SGSM1: variants seen among roughly 807,000 people sequenced by gnomAD.
SGSM1 encodes the protein small G protein signaling modulator 1.
SGSM1 carries 73 observed loss-of-function variants against 133.8 expected under a neutral mutation model. The ratio of observed to expected loss-of-function variants is 0.55; its 90% confidence interval spans 0.45 to 0.66. The LOEUF (loss-of-function observed/expected upper bound fraction) is 0.66. Ranked by LOEUF, SGSM1 falls within the 30% of genes least tolerant of loss-of-function variation. SGSM1 has a pLI of 0.00. For missense variants in SGSM1, 1,213 were observed against 1,448.1 expected (o/e 0.84, Z 2.64); for synonymous variants, 563 against 573.0 (o/e 0.98, Z 0.25).
At chr22:24,807,224 C>G (rs1179225555) in intron 2 of SGSM1, among the ~76,000 whole-genome samples, 1 of 152,074 alleles carries the variant, frequency 6.6e-6, no homozygotes, top group Non-Finnish European at 1.5e-5. Context: ...AATTTATAGT[C>G]CTTGGGGTAG....
rs371170667 is a variant in SGSM1 at position 24,874,563 on chromosome 22, G to A, written c.1292-2014G>A. 2.1e-5 allele frequency: 33 copies of A among 1,603,196 alleles called. No homozygotes were observed. In the East Asian group the frequency reaches 4.7e-4, roughly 23 times the overall value. On this transcript the variant is annotated intron_variant, in intron 12 of 24. Transcript: ENST00000400358. ...ACACTACTCTCCCCACGCCAAGCCC[G>A]AAGGAGCAGCCCCCCAGTAATGTCT...
intron 2 of SGSM1, among the ~76,000 whole-genome samples, chr22:24,819,352 G>A (rs1406077420): frequency 6.6e-6 from 1 of 152,148 alleles, no homozygotes; most frequent in Non-Finnish European, 1.5e-5. Context: ...CAGTAGCCAC[G>A]TTTGGCTGAT....
At chr22:24,900,340 C>CTTTCTTTCTTTCTTTCTTTCTTTCT (rs1036191488) in intron 19 of SGSM1, among the ~76,000 whole-genome samples, 1 of 126,032 alleles carries the variant, frequency 7.9e-6, no homozygotes, top group Non-Finnish European at 1.6e-5. Flanking sequence ...TTGTTAACCT[C>CTTTCTTTCTTTCTTTCTTTCTTTCT]TTCTTTCTTT....
intron 12 of SGSM1, among the ~76,000 whole-genome samples, chr22:24,876,135 C>T (rs1477639980): frequency 2.0e-5 from 3 of 152,214 alleles, no homozygotes; most frequent in Non-Finnish European, 4.4e-5. Flanking sequence ...TTCACTGGGT[C>T]TCTGGCACTT....
intron 22 of SGSM1, among the ~76,000 whole-genome samples, chr22:24,916,567 G>A (rs1233593645): frequency 5.3e-5 from 8 of 151,932 alleles, no homozygotes; most frequent in Admixed American, 2.6e-4. Flanking sequence ...GCCTGGTGGC[G>A]GGCGCCTGTA....
chr22:24,912,802 G>A (rs1388252326), intron 22 of SGSM1, 50 bp downstream of exon 22: 4 of 1,306,664 alleles, frequency 3.1e-6, no homozygotes, highest in East Asian at 2.4e-5. Context: ...GAAACAGTTA[G>A]TAAAGCTTAG....
intron 13 of SGSM1, among the ~76,000 whole-genome samples, 178 bp from the exon 14 acceptor site, chr22:24,879,284 C>G (rs1418158835): frequency 2.0e-5 from 3 of 152,134 alleles, no homozygotes; most frequent in Non-Finnish European, 1.5e-5. Flanking sequence ...AATCAGGGGG[C>G]CGGTACCAGA....
At chr22:24,889,405 G>T (rs1052485557) in intron 16 of SGSM1, among the ~76,000 whole-genome samples, 1 of 147,088 alleles carries the variant, frequency 6.8e-6, no homozygotes, top group Admixed American at 6.9e-5. Context: ...GTTATTAAAT[G>T]TATTTCTTTT....
chr22:24,851,446 G>A (rs866038171), intron 5 of SGSM1, among the ~76,000 whole-genome samples: 1 of 134,656 alleles, frequency 7.4e-6, no homozygotes, highest in East Asian at 2.4e-4. Context: ...GGGGGGGGTG[G>A]GGGGAGAGAG....
At chr22:24,908,192 C>T (rs1466364425) in intron 21 of SGSM1, among the ~76,000 whole-genome samples, 1 of 152,088 alleles carries the variant, frequency 6.6e-6, no homozygotes, top group Non-Finnish European at 1.5e-5. Context: ...TGAACCCTTA[C>T]CTCACACCAC....
Position 24,898,097 on chromosome 22 carries a change from C to G in SGSM1, c.2148C>G (p.Ser716=). 6.2e-7 allele frequency: 1 copy of G among 1,613,992 alleles called. No individual in the cohort carries two copies. Among genetic ancestry groups the G allele is most frequent in the Non-Finnish European group, 8.5e-7 (1 of 1,179,888 alleles). The change falls in exon 19 of 25, where the codon TCC becomes TCG. Residue 716 remains serine (S), a synonymous_variant. Transcript: ENST00000400358. ...GTTCCCCAGACTCGGGTCATCCTTCCTCCCATAACTTCTCCTCGGGCCTCT... is the reference window on the plus strand; with the variant it reads ...GTTCCCCAGACTCGGGTCATCCTTCGTCCCATAACTTCTCCTCGGGCCTCT... ...GTCSPDSGHP[S]SHNFSSGLSE...
intron 21 of SGSM1, among the ~76,000 whole-genome samples, chr22:24,908,036 A>G (rs911111889): frequency 1.3e-5 from 2 of 152,028 alleles, no homozygotes; most frequent in Non-Finnish European, 2.9e-5. Context: ...AATGGAATAG[A>G]ATTGAGAGCC....
intron 8 of SGSM1, 200 bp downstream of exon 8, chr22:24,855,880 T>C (rs1930750907): frequency 1.3e-6 from 1 of 786,692 alleles, no homozygotes; most frequent in African/African-American, 1.7e-5. Context: ...CATCCACCCA[T>C]TGTTATATCC....
chr22:24,900,942 T>C (rs1933138583), intron 19 of SGSM1, among the ~76,000 whole-genome samples: 1 of 152,210 alleles, frequency 6.6e-6, no homozygotes, highest in South Asian at 2.1e-4. Context: ...TTTCTTCTGC[T>C]TCTTTCTAGT....
At chr22:24,812,018 A>AAATTAGCC (rs1927770955) in intron 2 of SGSM1, among the ~76,000 whole-genome samples, 1 of 151,760 alleles carries the variant, frequency 6.6e-6, no homozygotes, top group African/African-American at 2.4e-5. Flanking sequence ...AAAAATACAA[A>AAATTAGCC]AATTAGCCGG....
At chr22:24,847,000 C>G (rs1930188026) in intron 3 of SGSM1, among the ~76,000 whole-genome samples, 1 of 152,030 alleles carries the variant, frequency 6.6e-6, no homozygotes, top group South Asian at 2.1e-4. Flanking sequence ...GCCCCCACAC[C>G]TGGCTAATTT....
intron 2 of SGSM1, among the ~76,000 whole-genome samples, chr22:24,841,074 T>A (rs533228674): frequency 1.3e-5 from 2 of 152,026 alleles, no homozygotes; most frequent in African/African-American, 2.4e-5. Flanking sequence ...ATGGTCTCGA[T>A]CTCCTGACCT....
chr22:24,923,590 G>T (rs188989901), intron 24 of SGSM1, among the ~76,000 whole-genome samples: 2 of 151,736 alleles, frequency 1.3e-5, no homozygotes, highest in African/African-American at 4.8e-5. Context: ...CTGTTTATAG[G>T]AGAGGGGTGG....
At chr22:24,909,027 A>G (rs971885162) in intron 21 of SGSM1, among the ~76,000 whole-genome samples, 1 of 151,992 alleles carries the variant, frequency 6.6e-6, no homozygotes, top group East Asian at 1.9e-4. Context: ...CCTGAGCTCC[A>G]CCTCCCTCCT....
Sources: gnomAD v4.1 joint callset for allele counts (sites outside exome capture counted in the v4.1 genomes callset) on GRCh38, gnomAD v4.1.1 for gene constraint, MANE v1.5 for transcripts, NCBI Gene and HGNC (gene_info 2026-07-23, HGNC 2026-07-21) for gene names.